The following NAALAD2 variants were observed in gnomAD, a reference collection of about 807,000 sequenced individuals.
NAALAD2 encodes the protein N-acetylated alpha-linked acidic dipeptidase 2.
A neutral mutation model predicts 95.6 loss-of-function variants in NAALAD2; 89 were observed. That is an observed-to-expected ratio of 0.93 (90% CI 0.78 to 1.11). The LOEUF is 1.11. NAALAD2 is among the 50% of genes least tolerant of loss of function. NAALAD2 has a pLI of 0.00. For synonymous variants in NAALAD2, 264 were observed against 294.4 expected, an observed-to-expected ratio of 0.90 and a Z score of 1.06; for missense variants, 894 against 872.4, an observed-to-expected ratio of 1.02 and a Z score of -0.31.
chr11:90,178,215 A>T, intron 16 of NAALAD2, 98 bp downstream of exon 16: 1 of 1,326,780 alleles, frequency 7.5e-7, no homozygotes, highest in Non-Finnish European at 1.0e-6. Context: ...ATCCTAGAAT[A>T]CATATTTGCC....
chr11:90,151,951 T>C (rs1453075824), intron 5 of NAALAD2, among the ~76,000 whole-genome samples: 1 of 152,184 alleles, frequency 6.6e-6, no homozygotes, highest in East Asian at 1.9e-4. Flanking sequence ...ACCCTCAGCC[T>C]AATAGGAGAG....
At chr11:90,184,371 T>G (rs1236157781) in intron 18 of NAALAD2, among the ~76,000 whole-genome samples, 2 of 152,066 alleles carry the variant, frequency 1.3e-5, no homozygotes, top group Non-Finnish European at 2.9e-5. Flanking sequence ...AATAGGCCTG[T>G]AGATTTAAGG....
intron 6 of NAALAD2, among the ~76,000 whole-genome samples, chr11:90,155,735 ATATG>A (rs1317334290): frequency 4.1e-5 from 2 of 49,204 alleles, no homozygotes; most frequent in Non-Finnish European, 7.4e-5. Flanking sequence ...ACATACATAC[ATATG>A]TATGTATTAT....
rs780114595 is a variant in NAALAD2 at position 90,147,429 on chromosome 11, C to G, written c.294C>G (p.Ala98=). ...TQWKKFGLDS[A]KLVHYDVLLS... ...GGAAGAAATTTGGACTAGATTCAGC[C>G]AAGTTGGTTCATTATGATGTCCTCT... The change falls in exon 3 of 19, where the codon GCC becomes GCG. Residue 98 remains alanine, a synonymous_variant. Coordinates refer to ENST00000534061, the MANE Select transcript of NAALAD2 (RefSeq NM_005467.4). 6.2e-7 allele frequency: 1 copy of G among 1,613,862 alleles called. No individual in the cohort carries two copies. The highest frequency in any genetic ancestry group is 8.5e-7 in the Non-Finnish European group (1 of 1,179,874).
chr11:90,140,538 T>C (rs1688814056), intron 2 of NAALAD2, among the ~76,000 whole-genome samples: 1 of 152,004 alleles, frequency 6.6e-6, no homozygotes, highest in Admixed American at 6.6e-5. Flanking sequence ...TCCAATATAT[T>C]TATTGAAAAA....
At chr11:90,175,274 T>C (rs904581239) in intron 14 of NAALAD2, among the ~76,000 whole-genome samples, 3 of 152,186 alleles carry the variant, frequency 2.0e-5, no homozygotes, top group African/African-American at 7.2e-5. Context: ...ACAAAAATGA[T>C]TTCTAAAACA....
chr11:90,177,172 T>A (rs1952816597), intron 15 of NAALAD2, among the ~76,000 whole-genome samples: 1 of 152,204 alleles, frequency 6.6e-6, no homozygotes. Context: ...TACGGGATAC[T>A]ACTATGTAAT....
At chr11:90,135,782 A>G (rs1951441077) in intron 2 of NAALAD2, 112 bp downstream of exon 2, 5 of 770,770 alleles carry the variant, frequency 6.5e-6, no homozygotes, top group African/African-American at 1.9e-5. Context: ...GTGAAATTAC[A>G]TATTAGTCAT....
intron 8 of NAALAD2, among the ~76,000 whole-genome samples, chr11:90,159,671 G>T (rs1438818210): frequency 6.6e-6 from 1 of 152,082 alleles, no homozygotes; most frequent in Non-Finnish European, 1.5e-5. Flanking sequence ...AGGTGAAGGT[G>T]CTGGGTGTGG....
intron 18 of NAALAD2, among the ~76,000 whole-genome samples, chr11:90,189,317 C>G (rs1857254723): frequency 6.6e-6 from 1 of 152,078 alleles, no homozygotes; most frequent in South Asian, 2.1e-4. Context: ...TTTTTTTAAG[C>G]CACTAAGTTG....
chr11:90,184,657 A>T (rs967047597), intron 18 of NAALAD2, among the ~76,000 whole-genome samples: 4 of 152,140 alleles, frequency 2.6e-5, no homozygotes, highest in African/African-American at 9.7e-5. Context: ...CTGTAGAAGC[A>T]TATAAAATAA....
intron 12 of NAALAD2, 143 bp downstream of exon 12, chr11:90,169,135 G>A (rs1952559266): frequency 1.3e-5 from 7 of 542,060 alleles, no homozygotes; most frequent in Non-Finnish European, 9.7e-6. Flanking sequence ...CCTTTGAGAT[G>A]CCTCAGTAAT....
intron 11 of NAALAD2, chr11:90,163,829 C>G (rs1952365558): frequency 2.1e-6 from 1 of 467,170 alleles, no homozygotes. Flanking sequence ...GTTATTGCCT[C>G]TTGTCAAAAT....
chr11:90,178,564 G>A (rs1438798439), intron 16 of NAALAD2, among the ~76,000 whole-genome samples: 5 of 151,948 alleles, frequency 3.3e-5, no homozygotes, highest in South Asian at 4.2e-4. Flanking sequence ...TCAGCTACTC[G>A]GGAGGCTGAG....
upstream of NAALAD2, among the ~76,000 whole-genome samples, chr11:90,133,442 C>T (rs1406259355): frequency 1.3e-5 from 2 of 152,008 alleles, no homozygotes; most frequent in Non-Finnish European, 2.9e-5. Context: ...TGGAAAGCTT[C>T]CCCTTCACCC....
intron 3 of NAALAD2, among the ~76,000 whole-genome samples, chr11:90,148,359 G>A (rs552688787): frequency 6.6e-6 from 1 of 152,240 alleles, no homozygotes; most frequent in South Asian, 2.1e-4. Context: ...TGGGGAAGGA[G>A]GGGAAGATAG....
rs763330600 is a variant in NAALAD2, at chr11:90,183,052, C to G, written c.2033+44C>G. ...CCAAATACATCACTGTGACCAAAAC[C>G]AGCATACCTAAAGTTGGCTTTAAAC... On this transcript the variant is annotated intron_variant, in intron 18 of 18. Transcript: ENST00000534061. 13 of 1,430,372 alleles carry G rather than the reference C, an allele frequency of 9.1e-6. No homozygotes were observed. In the African/African-American group the frequency reaches 1.6e-4, roughly 17 times the overall value. The allele number at this position is 1,430,372 out of a possible 1,614,324, so 88.6% of individuals were successfully genotyped here.
At position 90,191,861 on chromosome 11, in the gene NAALAD2, G is replaced by A. The variant is rs751076338; in HGVS notation, c.*114G>A. On this transcript the variant is annotated 3_prime_UTR_variant, in exon 19 of 19. Coordinates refer to ENST00000534061, the MANE Select transcript of NAALAD2 (RefSeq NM_005467.4). Reference sequence around the variant, plus strand: ...CTAAACTCTTTTCATGTCATGTTTTGATTATAGGCTTTGGTCTTTTCATCT... The same window carrying A: ...CTAAACTCTTTTCATGTCATGTTTTAATTATAGGCTTTGGTCTTTTCATCT... 1.1e-4 allele frequency: 83 copies of A among 775,034 alleles called. No homozygotes were observed. Among genetic ancestry groups the A allele is most frequent in the Non-Finnish European group, 1.5e-4 (80 of 545,822 alleles). The allele number at this position is 775,034 out of a possible 1,614,324, so 48.0% of individuals were successfully genotyped here.
At chr11:90,178,904 T>C (rs1264632050) in intron 16 of NAALAD2, among the ~76,000 whole-genome samples, 1 of 152,210 alleles carries the variant, frequency 6.6e-6, no homozygotes, top group Non-Finnish European at 1.5e-5. Context: ...TTCTGCATTG[T>C]GCATCTCCTA....
Sources: allele counts gnomAD v4.1 joint callset (sites outside exome capture counted in the v4.1 genomes callset), GRCh38; gene constraint gnomAD v4.1.1; transcripts MANE v1.5; gene names NCBI Gene and HGNC (gene_info 2026-07-23, HGNC 2026-07-21).